Variants in MAF observed in about 807,000 individuals in gnomAD.
MAF encodes MAF bZIP transcription factor.
A neutral mutation model predicts 22.0 loss-of-function variants in MAF; 10 were observed. The observed-to-expected ratio is 0.45, with a 90% confidence interval of 0.28 to 0.77. The LOEUF (loss-of-function observed/expected upper bound fraction) is 0.77, where lower values mean the gene tolerates loss of function less well. Ranked by LOEUF, MAF falls within the 30% of genes least tolerant of loss-of-function variation. The probability of loss-of-function intolerance (pLI) is 0.12; values close to 1 mark genes in which losing one functional copy is unlikely to be tolerated. For missense variants in MAF, 544 were observed against 548.4 expected, an observed-to-expected ratio of 0.99 and a Z score of 0.08; for synonymous variants, 337 against 255.8, an observed-to-expected ratio of 1.32 and a Z score of -3.03.
the MAF span, among the ~76,000 whole-genome samples, chr16:79,482,080 T>C: frequency 1.3e-5 from 2 of 152,042 alleles, no homozygotes; most frequent in Non-Finnish European, 1.5e-5. Flanking sequence ...GAAAAAGAGA[T>C]GTGAAAAGTG....
downstream of MAF, among the ~76,000 whole-genome samples, chr16:79,585,278 C>T (rs1488149123): frequency 1.3e-5 from 2 of 152,184 alleles, no homozygotes; most frequent in Non-Finnish European, 2.9e-5. Context: ...CTGCTTCCCA[C>T]CCATCTCCTC....
chr16:79,443,768 G>A, the MAF span, among the ~76,000 whole-genome samples: 2 of 152,124 alleles, frequency 1.3e-5, no homozygotes, highest in Admixed American at 1.3e-4. Context: ...ACTTCTTTAA[G>A]CATCAGCTTC....
the MAF span, among the ~76,000 whole-genome samples, chr16:79,228,814 G>A: frequency 6.6e-6 from 1 of 151,934 alleles, no homozygotes; most frequent in African/African-American, 2.4e-5. Flanking sequence ...GGTCCGCTCA[G>A]GGTTTCCACC....
At chr16:79,221,641 T>A in the MAF span, among the ~76,000 whole-genome samples, 3 of 152,190 alleles carry the variant, frequency 2.0e-5, no homozygotes, top group African/African-American at 7.2e-5. Context: ...AAGGCAATCT[T>A]CATCATCTGG....
chr16:79,286,433 T>C, the MAF span, among the ~76,000 whole-genome samples: 5 of 152,344 alleles, frequency 3.3e-5, no homozygotes, highest in Admixed American at 2.6e-4. Context: ...GATAGTTTCA[T>C]AGCATAAATT....
chr16:79,564,643 C>T, the MAF span, among the ~76,000 whole-genome samples: 3 of 152,148 alleles, frequency 2.0e-5, no homozygotes, highest in South Asian at 2.1e-4. Flanking sequence ...CACAGTGGTC[C>T]GACCCACCCA....
At chr16:79,250,523 A>G in the MAF span, among the ~76,000 whole-genome samples, 18,684 of 152,230 alleles carry the variant, frequency 0.12, 1,421 homozygotes, top group Middle Eastern at 0.19. Flanking sequence ...AATGACTTCC[A>G]TTATATGGAG....
At chr16:79,209,883 T>G in the MAF span, among the ~76,000 whole-genome samples, 1 of 152,218 alleles carries the variant, frequency 6.6e-6, no homozygotes, top group South Asian at 2.1e-4. Flanking sequence ...GAAAGGAAAT[T>G]TGGATGACAT....
At chr16:79,279,187 G>A in the MAF span, among the ~76,000 whole-genome samples, 2 of 152,096 alleles carry the variant, frequency 1.3e-5, no homozygotes, top group African/African-American at 4.8e-5. Context: ...ATGGTAGAAT[G>A]CTGCTTCTTC....
the MAF span, among the ~76,000 whole-genome samples, chr16:79,463,912 G>A: frequency 1.3e-5 from 2 of 150,860 alleles, no homozygotes; most frequent in Admixed American, 6.6e-5. Flanking sequence ...AATGGAAACT[G>A]ACACTGCTTC....
At chr16:79,531,234 A>G in the MAF span, among the ~76,000 whole-genome samples, 1 of 152,188 alleles carries the variant, frequency 6.6e-6, no homozygotes, top group African/African-American at 2.4e-5. Context: ...ATAGGATTAA[A>G]TAAAAGAAAG....
At chr16:79,477,755 C>T in the MAF span, among the ~76,000 whole-genome samples, 6 of 151,826 alleles carry the variant, frequency 4.0e-5, no homozygotes, top group South Asian at 2.1e-4. Context: ...TATGGAGTCT[C>T]GCTCTGTTGC....
the MAF span, among the ~76,000 whole-genome samples, chr16:79,471,517 A>C: frequency 1.3e-5 from 2 of 152,144 alleles, no homozygotes; most frequent in Non-Finnish European, 2.9e-5. Context: ...CTAGAAAAAA[A>C]CCCACAAAAA....
chr16:79,416,982 C>G, the MAF span, among the ~76,000 whole-genome samples: 1 of 152,156 alleles, frequency 6.6e-6, no homozygotes, highest in Non-Finnish European at 1.5e-5. Flanking sequence ...GCTTTATATT[C>G]AAGTTAGAAA....
chr16:79,408,688 T>C, the MAF span, among the ~76,000 whole-genome samples: 1 of 150,952 alleles, frequency 6.6e-6, no homozygotes, highest in African/African-American at 2.4e-5. Flanking sequence ...TTCCCCTCCC[T>C]CCCCTCCATC....
intron 1 of MAF, among the ~76,000 whole-genome samples, chr16:79,588,654 G>C: frequency 6.6e-6 from 1 of 151,908 alleles, no homozygotes; most frequent in Non-Finnish European, 1.5e-5. Flanking sequence ...TAGAGACCGG[G>C]TTTCACCAGG....
chr16:79,228,301 A>C, the MAF span, among the ~76,000 whole-genome samples: 3 of 152,118 alleles, frequency 2.0e-5, no homozygotes, highest in African/African-American at 7.2e-5. Flanking sequence ...GAAAGCGTGA[A>C]TACCTAAGAA....
chr16:79,399,796 T>A, the MAF span, among the ~76,000 whole-genome samples: 4 of 152,180 alleles, frequency 2.6e-5, no homozygotes, highest in Non-Finnish European at 4.4e-5. Context: ...TGAAGATTCG[T>A]CCCAGCTTGC....
At chr16:79,209,842 A>T in the MAF span, among the ~76,000 whole-genome samples, 2 of 152,218 alleles carry the variant, frequency 1.3e-5, no homozygotes, top group Non-Finnish European at 2.9e-5. Context: ...CCAGGTGCTA[A>T]GCTCAGGGTT....
Sources: gnomAD v4.1 joint callset for allele counts (sites outside exome capture counted in the v4.1 genomes callset) on GRCh38, gnomAD v4.1.1 for gene constraint, MANE v1.5 for transcripts, NCBI Gene and HGNC (gene_info 2026-07-23, HGNC 2026-07-21) for gene names.